PSMG2: variants seen among roughly 807,000 people sequenced by gnomAD.
PSMG2 encodes proteasome assembly chaperone 2.
PSMG2 carries 21 observed loss-of-function variants against 31.5 expected under a neutral mutation model. The ratio of observed to expected loss-of-function variants is 0.67; its 90% CI spans 0.47 to 0.96. The LOEUF (loss-of-function observed/expected upper bound fraction) is 0.96. Ranked by LOEUF, PSMG2 falls within the 40% of genes least tolerant of loss-of-function variation. PSMG2 has a pLI of 0.00. For synonymous variants in PSMG2, 120 were observed against 110.4 expected (o/e 1.09, Z -0.54); for missense variants, 318 against 321.2 (o/e 0.99, Z 0.08).
At chr18:12,686,401 CG>C (rs1568021196) in intron 1 of PSMG2, 1 of 1,613,836 alleles carries the variant, frequency 6.2e-7, no homozygotes, top group Admixed American at 1.7e-5. Context: ...CCGTCCAGCT[CG>C]AAGTGGTTTA....
At chr18:12,718,985 T>A (rs956727799) in intron 4 of PSMG2, among the ~76,000 whole-genome samples, 2 of 152,250 alleles carry the variant, frequency 1.3e-5, no homozygotes, top group Non-Finnish European at 2.9e-5. Context: ...AGTTGCTAAC[T>A]TTTGAAAGGT....
At chr18:12,681,633 A>T (rs908846532) in intron 1 of PSMG2, among the ~76,000 whole-genome samples, 4 of 152,156 alleles carry the variant, frequency 2.6e-5, no homozygotes, top group African/African-American at 7.2e-5. Flanking sequence ...AATAAATGGA[A>T]AACACTCAAC....
chr18:12,708,490 G>A (rs1347991277), intron 2 of PSMG2, among the ~76,000 whole-genome samples: 2 of 151,500 alleles, frequency 1.3e-5, no homozygotes, highest in Non-Finnish European at 1.5e-5. Context: ...TCAGCCTCCC[G>A]AGTAGCTGGG....
intron 2 of PSMG2, among the ~76,000 whole-genome samples, chr18:12,709,479 A>G (rs1251601491): frequency 1.3e-5 from 2 of 148,998 alleles, no homozygotes; most frequent in African/African-American, 4.9e-5. Context: ...GGCACTCACC[A>G]CACACCCAGC....
At chr18:12,662,031 G>C in intron 1 of PSMG2, 1 of 269,260 alleles carries the variant, frequency 3.7e-6, no homozygotes, top group South Asian at 3.2e-5. Context: ...TCTTATTCTT[G>C]TAGAATAAGT....
chr18:12,693,926 G>A (rs368040157), intron 1 of PSMG2, among the ~76,000 whole-genome samples: 1 of 152,080 alleles, frequency 6.6e-6, no homozygotes, highest in African/African-American at 2.4e-5. Context: ...TCAAATTCCT[G>A]GGTCAAGCAA....
chr18:12,677,275 AC>A (rs1267841856), intron 1 of PSMG2, among the ~76,000 whole-genome samples: 4 of 151,956 alleles, frequency 2.6e-5, no homozygotes, highest in South Asian at 2.1e-4. Flanking sequence ...CCCTATCTCT[AC>A]AAAAAATACA....
Position 12,674,670 on chromosome 18 carries a change from T to C in PSMG2, c.-37+15897T>C. On this transcript the variant is annotated intron_variant, in intron 1 of 6. Transcript: ENST00000585331. ...CTTCATTGCCTGCTGATATACTTGT[T>C]GTACGCTCAAATTCATAAGAAGCCA... 2.5e-6 allele frequency: 4 copies of C among 1,614,152 alleles called. No individual in the cohort carries two copies. The Admixed American group carries it at 5.0e-5, about 20-fold the overall frequency.
At chr18:12,714,446 GT>G (rs2040358787) in intron 3 of PSMG2, among the ~76,000 whole-genome samples, 1 of 148,496 alleles carries the variant, frequency 6.7e-6, no homozygotes, top group South Asian at 2.1e-4. Context: ...TTTCTTAAAT[GT>G]TTCTTCATGA....
At chr18:12,683,484 A>T (rs576407239) in intron 1 of PSMG2, among the ~76,000 whole-genome samples, 66 of 152,062 alleles carry the variant, frequency 4.3e-4, no homozygotes, top group African/African-American at 1.5e-3. Context: ...TAAAACACTC[A>T]TTAAAAAACG....
intron 1 of PSMG2, chr18:12,673,231 G>A (rs971906903): frequency 7.0e-7 from 1 of 1,422,352 alleles, no homozygotes; most frequent in East Asian, 2.8e-5. Flanking sequence ...TACCAGTCAA[G>A]TATATACAAA....
At chr18:12,674,165 A>G (rs910761983) in intron 1 of PSMG2, among the ~76,000 whole-genome samples, 2 of 151,508 alleles carry the variant, frequency 1.3e-5, no homozygotes, top group African/African-American at 4.8e-5. Context: ...GGCTGGGTGC[A>G]ACGGCTCACA....
chr18:12,662,639 T>G (rs976954006), intron 1 of PSMG2, among the ~76,000 whole-genome samples: 4 of 152,126 alleles, frequency 2.6e-5, no homozygotes, highest in Non-Finnish European at 4.4e-5. Context: ...TAACCAGGCA[T>G]GGTGGTGCAC....
chr18:12,688,626 T>C (rs537936050), intron 1 of PSMG2, among the ~76,000 whole-genome samples: 1 of 152,320 alleles, frequency 6.6e-6, no homozygotes, highest in Non-Finnish European at 1.5e-5. Flanking sequence ...CTTAACTGTT[T>C]TGAAAAGTTA....
intron 1 of PSMG2, among the ~76,000 whole-genome samples, chr18:12,694,657 C>A (rs1216436338): frequency 6.6e-6 from 1 of 152,106 alleles, no homozygotes; most frequent in Non-Finnish European, 1.5e-5. Context: ...AATCCCATCC[C>A]ACTGAGGTTG....
intron 1 of PSMG2, chr18:12,674,858 T>C: frequency 1.7e-6 from 1 of 592,114 alleles, no homozygotes; most frequent in Non-Finnish European, 2.8e-6. Context: ...AAAAGATTTT[T>C]AAAAGCTATC....
chr18:12,702,310 G>A (rs527768360), upstream of PSMG2: 2 of 555,400 alleles, frequency 3.6e-6, no homozygotes. Context: ...TTCTTTCTCG[G>A]AGACGAGGAC....
intron 1 of PSMG2, among the ~76,000 whole-genome samples, chr18:12,672,267 A>G (rs991375954): frequency 6.6e-6 from 1 of 151,374 alleles, no homozygotes; most frequent in South Asian, 2.1e-4. Context: ...GGTGTGAGCC[A>G]CCGCACCCGG....
chr18:12,666,310 C>CA (rs1892656358), intron 1 of PSMG2, among the ~76,000 whole-genome samples: 1 of 151,966 alleles, frequency 6.6e-6, no homozygotes, highest in Admixed American at 6.6e-5. Flanking sequence ...GCCTGGGTGA[C>CA]AGAGTGAGAC....
Sources: allele counts gnomAD v4.1 joint callset (sites outside exome capture counted in the v4.1 genomes callset), GRCh38; gene constraint gnomAD v4.1.1; transcripts MANE v1.5; gene names NCBI Gene and HGNC (gene_info 2026-07-23, HGNC 2026-07-21).